The following AMPH variants were observed in gnomAD, a reference collection of about 807,000 sequenced individuals.
AMPH encodes amphiphysin (Stiff-Mann syndrome with breast cancer 128kD autoantigen).
A neutral mutation model predicts 99.1 loss-of-function variants in AMPH; 49 were observed. The observed-to-expected ratio is 0.49, with a 90% CI of 0.39 to 0.63. The LOEUF (loss-of-function observed/expected upper bound fraction) is 0.63, where lower values mean the gene tolerates loss of function less well. Among genes scored for constraint, AMPH ranks in the 20% least tolerant of loss-of-function variants. The probability of loss-of-function intolerance (pLI) is 0.00; values close to 1 mark genes in which losing one functional copy is unlikely to be tolerated. For missense variants in AMPH, 759 were observed against 863.4 expected, an observed-to-expected ratio of 0.88 and a Z score of 1.52; for synonymous variants, 314 against 317.3, an observed-to-expected ratio of 0.99 and a Z score of 0.11.
At position 38,470,935 on chromosome 7, in the gene AMPH, T is replaced by A. The variant is rs1026807369; in HGVS notation, c.590+4396A>T. On this transcript the variant is annotated intron_variant, in intron 7 of 20. Coordinates refer to ENST00000356264, the MANE Select transcript of AMPH (RefSeq NM_001635.4). ...TACTAAATTATCGTTTTTTAAAATT[T>A]TTTCTGCATTGAACTTATTGTCTGA... 1.2e-4 allele frequency among the ~76,000 whole-genome samples: 18 copies of A among 152,174 alleles called. 1 individual carries two copies. Among genetic ancestry groups the A allele is most frequent in the Admixed American group, 5.2e-4 (8 of 15,276 alleles).
intron 3 of AMPH, among the ~76,000 whole-genome samples, chr7:38,498,944 C>T (rs1224378720): frequency 6.6e-6 from 1 of 152,174 alleles, no homozygotes; most frequent in African/African-American, 2.4e-5. Context: ...CTTCTGCTTC[C>T]TGGCCCAGTT....
intron 5 of AMPH, among the ~76,000 whole-genome samples, chr7:38,478,997 A>C (rs1173321659): frequency 5.3e-5 from 8 of 152,182 alleles, no homozygotes. Context: ...AAAATGGTCT[A>C]ACATAATATA....
At chr7:38,400,585 C>A (rs532178223) in intron 17 of AMPH, among the ~76,000 whole-genome samples, 9 of 152,318 alleles carry the variant, frequency 5.9e-5, no homozygotes, top group African/African-American at 2.2e-4. Context: ...CAGAAACTAG[C>A]CAGTCCTGCT....
chr7:38,459,975 GAACTC>G (rs1002938684), intron 11 of AMPH, among the ~76,000 whole-genome samples: 35 of 151,844 alleles, frequency 2.3e-4, no homozygotes, highest in African/African-American at 8.2e-4. Context: ...AATGTACAAG[GAACTC>G]AACTCAATAA....
At chr7:38,409,198 C>A (rs558764827) in intron 17 of AMPH, among the ~76,000 whole-genome samples, 1 of 152,152 alleles carries the variant, frequency 6.6e-6, no homozygotes, top group South Asian at 2.1e-4. Context: ...ATAAATACAG[C>A]GGGAATTCTG....
intron 2 of AMPH, among the ~76,000 whole-genome samples, chr7:38,518,358 T>G (rs1224688237): frequency 2.0e-5 from 3 of 152,106 alleles, no homozygotes; most frequent in Admixed American, 2.0e-4. Context: ...AACATAGAAC[T>G]TGTAGGGCCA....
chr7:38,545,715 A>G (rs1790972613), intron 1 of AMPH, among the ~76,000 whole-genome samples: 1 of 152,174 alleles, frequency 6.6e-6, no homozygotes, highest in Admixed American at 6.5e-5. Context: ...GTTCTGCACA[A>G]TCTCAGAGTG....
chr7:38,511,878 A>G (rs1034513613), intron 2 of AMPH, among the ~76,000 whole-genome samples: 16 of 152,196 alleles, frequency 1.1e-4, no homozygotes, highest in Non-Finnish European at 2.1e-4. Flanking sequence ...ATGCAATCAA[A>G]GAAGCCATTA....
chr7:38,406,751 TCTCTCTC>T (rs1785016849), intron 17 of AMPH, among the ~76,000 whole-genome samples: 1 of 140,230 alleles, frequency 7.1e-6, no homozygotes, highest in African/African-American at 2.9e-5. Flanking sequence ...TCTCTCTCTC[TCTCTCTC>T]TCTCTCTCTC....
At chr7:38,452,982 C>G (rs928613628) in intron 11 of AMPH, among the ~76,000 whole-genome samples, 5 of 152,128 alleles carry the variant, frequency 3.3e-5, no homozygotes, top group Admixed American at 2.0e-4. Flanking sequence ...CTCAATAAAC[C>G]AGAAAGCAGA....
chr7:38,629,804 T>C (rs1794389793), intron 1 of AMPH, among the ~76,000 whole-genome samples: 1 of 152,192 alleles, frequency 6.6e-6, no homozygotes, highest in African/African-American at 2.4e-5. Flanking sequence ...GGCTACTTTC[T>C]GCACAAGTAA....
intron 1 of AMPH, among the ~76,000 whole-genome samples, chr7:38,553,458 C>G (rs1462679679): frequency 2.0e-5 from 3 of 152,190 alleles, no homozygotes; most frequent in Non-Finnish European, 2.9e-5. Context: ...TTTTAAAACA[C>G]ACATGCAAAT....
At chr7:38,522,300 T>C (rs1317945479) in intron 2 of AMPH, among the ~76,000 whole-genome samples, 3 of 152,236 alleles carry the variant, frequency 2.0e-5, no homozygotes, top group Non-Finnish European at 4.4e-5. Flanking sequence ...AGTACACTTA[T>C]ATGTGTAATA....
chr7:38,574,409 A>G (rs1043567890), intron 1 of AMPH, among the ~76,000 whole-genome samples: 20 of 152,196 alleles, frequency 1.3e-4, no homozygotes, highest in South Asian at 2.1e-4. Context: ...GATCCTCAAG[A>G]TGCAAATGAA....
chr7:38,477,116 T>C, intron 5 of AMPH, 147 bp from the exon 6 acceptor site: 1 of 626,852 alleles, frequency 1.6e-6, no homozygotes, highest in Non-Finnish European at 2.8e-6. Flanking sequence ...ACTAGCTAAG[T>C]GACTCCTGAA....
intron 1 of AMPH, among the ~76,000 whole-genome samples, chr7:38,574,826 C>T (rs374151068): frequency 3.3e-5 from 5 of 151,916 alleles, no homozygotes; most frequent in Admixed American, 6.6e-5. Flanking sequence ...GAGGCCGGGG[C>T]GGGCAGATCA....
At chr7:38,610,621 A>T (rs556324215) in intron 1 of AMPH, among the ~76,000 whole-genome samples, 1 of 152,184 alleles carries the variant, frequency 6.6e-6, no homozygotes, top group South Asian at 2.1e-4. Context: ...TCTTTCAGTT[A>T]TCCTTTAAGT....
intron 15 of AMPH, among the ~76,000 whole-genome samples, chr7:38,426,257 G>A (rs1785778779): frequency 6.6e-6 from 1 of 152,208 alleles, no homozygotes; most frequent in Non-Finnish European, 1.5e-5. Flanking sequence ...TGTCAGAACT[G>A]ATCCAGGAGC....
chr7:38,553,842 A>C (rs1160156445), intron 1 of AMPH, among the ~76,000 whole-genome samples: 4 of 152,224 alleles, frequency 2.6e-5, no homozygotes, highest in Non-Finnish European at 5.9e-5. Flanking sequence ...GCAGGCTAAA[A>C]AAGAGTTTGG....
Sources: allele counts gnomAD v4.1 joint callset (sites outside exome capture counted in the v4.1 genomes callset), GRCh38; gene constraint gnomAD v4.1.1; transcripts MANE v1.5; gene names NCBI Gene and HGNC (gene_info 2026-07-23, HGNC 2026-07-21).